PPARGC1B: variants seen among roughly 807,000 people sequenced by gnomAD.
PPARGC1B encodes peroxisome proliferator-activated receptor gamma coactivator 1-beta.
In PPARGC1B, 34 loss-of-function variants were observed where a neutral mutation model predicts 101.6. The observed-to-expected ratio is 0.33, with a 90% CI of 0.25 to 0.45. The LOEUF (loss-of-function observed/expected upper bound fraction) is 0.45, where lower values mean the gene tolerates loss of function less well. Ranked by LOEUF, PPARGC1B falls within the 20% of genes least tolerant of loss-of-function variation. The pLI, the probability that PPARGC1B is intolerant of heterozygous loss-of-function variation, is 1.00. For missense variants in PPARGC1B, 1,234 were observed against 1,317.6 expected, an observed-to-expected ratio of 0.94 and a Z score of 0.98; for synonymous variants, 548 against 539.3, an observed-to-expected ratio of 1.02 and a Z score of -0.22.
chr5:149,828,644 A>G (rs1561599777), intron 3 of PPARGC1B, among the ~76,000 whole-genome samples: 3 of 152,166 alleles, frequency 2.0e-5, no homozygotes, highest in Admixed American at 2.0e-4. Flanking sequence ...GCCTTAGATT[A>G]CCTTCATTCC....
chr5:149,825,159 C>T (rs529842393), intron 2 of PPARGC1B, among the ~76,000 whole-genome samples: 1 of 152,354 alleles, frequency 6.6e-6, no homozygotes, highest in South Asian at 2.1e-4. Context: ...CTCTCCACAC[C>T]AGGCCTCTGG....
chr5:149,828,383 A>G (rs1043750815), intron 3 of PPARGC1B, among the ~76,000 whole-genome samples: 1 of 152,216 alleles, frequency 6.6e-6, no homozygotes, highest in Non-Finnish European at 1.5e-5. Flanking sequence ...TTCCTGATCT[A>G]TAAAGAGGGG....
At chr5:149,735,530 G>C (rs572661695) in intron 1 of PPARGC1B, among the ~76,000 whole-genome samples, 87 of 152,308 alleles carry the variant, frequency 5.7e-4, no homozygotes, top group Admixed American at 2.1e-3. Flanking sequence ...GACGTTTACT[G>C]AGTATCCCCT....
At chr5:149,819,660 C>G (rs1471571212) in intron 1 of PPARGC1B, among the ~76,000 whole-genome samples, 2 of 152,080 alleles carry the variant, frequency 1.3e-5, no homozygotes, top group African/African-American at 2.4e-5. Context: ...GCGCCACCAC[C>G]CCTGGCTAAT....
Position 149,838,669 on chromosome 5 carries a change from C to A in PPARGC1B, c.2619-1372C>A, listed in dbSNP as rs983588045. ...ATTCATAGAATTGCCTGGGAAGAGT[C>A]GAGAACTTCTCTAGAAACCCCCATG... is the stretch of plus-strand genomic sequence containing the variant. On this transcript the variant is annotated intron_variant, in intron 8 of 11. Transcript: ENST00000309241. Among the ~76,000 whole-genome samples the A allele has an allele frequency of 2.0e-5, 3 of 152,162 alleles. No individual in the cohort carries two copies. In the South Asian group the frequency reaches 6.2e-4, roughly 32 times the overall value.
At chr5:149,753,566 G>T (rs1013615863) in intron 1 of PPARGC1B, among the ~76,000 whole-genome samples, 1 of 152,030 alleles carries the variant, frequency 6.6e-6, no homozygotes, top group Admixed American at 6.6e-5. Flanking sequence ...CTCTTACACA[G>T]AAATAGGTTA....
At chr5:149,742,623 T>C (rs956819166) in intron 1 of PPARGC1B, among the ~76,000 whole-genome samples, 5 of 152,204 alleles carry the variant, frequency 3.3e-5, no homozygotes, top group Non-Finnish European at 4.4e-5. Flanking sequence ...TAGAGACTTA[T>C]TGGTATGTGC....
chr5:149,778,819 A>T (rs936200088), intron 1 of PPARGC1B, among the ~76,000 whole-genome samples: 2 of 152,148 alleles, frequency 1.3e-5, no homozygotes, highest in Non-Finnish European at 2.9e-5. Flanking sequence ...TCATTGTTTG[A>T]AAAAAGGAAA....
chr5:149,814,511 A>G (rs1434881683), intron 1 of PPARGC1B, among the ~76,000 whole-genome samples: 3 of 152,108 alleles, frequency 2.0e-5, no homozygotes, highest in Non-Finnish European at 4.4e-5. Flanking sequence ...GACCCAATGA[A>G]GGACGCATAG....
intron 1 of PPARGC1B, among the ~76,000 whole-genome samples, chr5:149,738,461 T>TG (rs1754803756): frequency 6.6e-6 from 1 of 152,210 alleles, no homozygotes; most frequent in African/African-American, 2.4e-5. Flanking sequence ...ATCTTCAGTC[T>TG]GAGTGTTCCT....
intron 1 of PPARGC1B, among the ~76,000 whole-genome samples, chr5:149,796,448 G>T (rs1004427498): frequency 1.3e-5 from 2 of 152,312 alleles, no homozygotes; most frequent in Admixed American, 6.5e-5. Flanking sequence ...ATTTCATTCT[G>T]AGTGCAATAG....
rs6579760 is a variant in PPARGC1B, at chr5:149,846,958, A to T, written c.2972-500A>T. Reference sequence around the variant, plus strand: ...AAATTAGCTGGGCGTGGTGGCGCACACCTGTAGTCCCAGCAACTTGGGAGG... The same window carrying T: ...AAATTAGCTGGGCGTGGTGGCGCACTCCTGTAGTCCCAGCAACTTGGGAGG... On this transcript the variant is annotated intron_variant, in intron 11 of 11. Transcript: ENST00000309241. 3.8e-3 allele frequency: 685 copies of T among 182,316 alleles called. 6 individuals carry two copies. Among genetic ancestry groups the T allele is most frequent in the African/African-American group, 0.015 (647 of 42,560 alleles). 11.3% of individuals were successfully genotyped at this position (182,316 alleles called of 1,614,324 possible). A position where few individuals can be genotyped will look rare whatever the true frequency, so the allele number is the denominator to read the frequency against.
At chr5:149,807,849 C>T (rs1172602194) in intron 1 of PPARGC1B, among the ~76,000 whole-genome samples, 1 of 152,096 alleles carries the variant, frequency 6.6e-6, no homozygotes, top group Non-Finnish European at 1.5e-5. Context: ...AGACATGGTC[C>T]CATTTTAGTC....
chr5:149,781,451 A>G (rs1756595534), intron 1 of PPARGC1B, among the ~76,000 whole-genome samples: 1 of 152,200 alleles, frequency 6.6e-6, no homozygotes, highest in African/African-American at 2.4e-5. Context: ...TCCTCCTGTG[A>G]AAAGGAGAGA....
intron 8 of PPARGC1B, 97 bp from the exon 9 acceptor site, chr5:149,839,944 C>A: frequency 8.0e-7 from 1 of 1,253,616 alleles, no homozygotes. Flanking sequence ...GTGAACAAAT[C>A]CTAAGGAAGC....
Position 149,755,850 on chromosome 5 carries a change from G to A in PPARGC1B, c.78+25430G>A, listed in dbSNP as rs552249796. On this transcript the variant is annotated intron_variant, in intron 1 of 11. Transcript: ENST00000309241. ...GTAGAGATGGGGTTTCACCATGTTG[G>A]GCAGGCTGGTTTTGAACTCCTGACT... Among the ~76,000 whole-genome samples, 66 of 152,030 alleles carry A rather than the reference G, an allele frequency of 4.3e-4. 1 individual carries two copies. The South Asian group carries it at 0.012, about 28-fold the overall frequency.
intron 1 of PPARGC1B, among the ~76,000 whole-genome samples, chr5:149,737,770 G>C (rs1424064188): frequency 6.6e-6 from 1 of 152,154 alleles, no homozygotes; most frequent in Non-Finnish European, 1.5e-5. Flanking sequence ...GAGGTGGGTG[G>C]ATCACCTGAG....
intron 1 of PPARGC1B, among the ~76,000 whole-genome samples, chr5:149,741,593 C>G (rs867489487): frequency 6.6e-6 from 1 of 152,004 alleles, no homozygotes. Context: ...CCATACTGTT[C>G]CCACCACTGC....
chr5:149,817,047 C>G (rs1758083589), intron 1 of PPARGC1B, among the ~76,000 whole-genome samples: 1 of 152,202 alleles, frequency 6.6e-6, no homozygotes, highest in Admixed American at 6.5e-5. Context: ...CCCTGGTCAC[C>G]AAGCTGCAGC....
Sources: gnomAD v4.1 joint callset for allele counts (sites outside exome capture counted in the v4.1 genomes callset) on GRCh38, gnomAD v4.1.1 for gene constraint, MANE v1.5 for transcripts, NCBI Gene and HGNC (gene_info 2026-07-23, HGNC 2026-07-21) for gene names.